The following SNED1 variants were observed in gnomAD, a reference collection of about 807,000 sequenced individuals.
The protein encoded by SNED1 is sushi, nidogen and EGF-like domain-containing protein 1.
In SNED1, 81 loss-of-function variants were observed where a neutral mutation model predicts 166.7. That is an observed-to-expected ratio of 0.49 (90% CI 0.41 to 0.58). SNED1 has a LOEUF of 0.58. Among genes scored for constraint, SNED1 ranks in the 20% least tolerant of loss-of-function variants. SNED1 has a pLI of 0.00. For missense variants in SNED1, 1,604 were observed against 2,000.2 expected (o/e 0.80, Z 3.78); for synonymous variants, 762 against 822.0 (o/e 0.93, Z 1.25).
At chr2:241,076,562 GATTA>G (rs1367352629) in intron 27 of SNED1, among the ~76,000 whole-genome samples, 1 of 152,096 alleles carries the variant, frequency 6.6e-6, no homozygotes, top group Non-Finnish European at 1.5e-5. Context: ...TCCTTTTAAA[GATTA>G]ATTGTTTGCC....
At chr2:241,026,908 C>A (rs1339309836) in intron 1 of SNED1, among the ~76,000 whole-genome samples, 1 of 152,136 alleles carries the variant, frequency 6.6e-6, no homozygotes, top group Non-Finnish European at 1.5e-5. Flanking sequence ...TCCCTATTCC[C>A]CTCTTCCTTC....
chr2:241,056,385 G>C (rs979339165), intron 16 of SNED1, among the ~76,000 whole-genome samples: 1 of 151,960 alleles, frequency 6.6e-6, no homozygotes, highest in Non-Finnish European at 1.5e-5. Flanking sequence ...CAAGCTGCTG[G>C]GATTACAGGC....
intron 16 of SNED1, among the ~76,000 whole-genome samples, chr2:241,053,782 C>T (rs932749736): frequency 6.6e-6 from 1 of 152,184 alleles, no homozygotes; most frequent in Admixed American, 6.5e-5. Flanking sequence ...ACTGAGGTCC[C>T]ACCCCTGTCT....
chr2:241,084,897 T>C (rs1288662106), intron 29 of SNED1, among the ~76,000 whole-genome samples: 1 of 152,204 alleles, frequency 6.6e-6, no homozygotes, highest in Non-Finnish European at 1.5e-5. Context: ...GAATATAGAC[T>C]TCTTGATTGA....
intron 26 of SNED1, chr2:241,072,256 C>T (rs1304934317): frequency 3.1e-5 from 15 of 480,118 alleles, no homozygotes; most frequent in Admixed American, 2.3e-4. Context: ...GGGTCTAACC[C>T]GCCACTCCGA....
intron 29 of SNED1, among the ~76,000 whole-genome samples, chr2:241,085,692 G>A (rs1374729923): frequency 6.6e-6 from 1 of 150,936 alleles, no homozygotes; most frequent in East Asian, 1.9e-4. Context: ...TGTTACTGAC[G>A]CTGGATTTGT....
At position 241,073,710 on chromosome 2, in the gene SNED1, C is replaced by A; in HGVS notation, c.3916+346C>A. ...AGCCCCTGCCTCTGGGCCCCTCACC[C>A]CTCACTTCTCCAAAGAGGAGCAGGC... On this transcript the variant is annotated intron_variant, in intron 27 of 31. Coordinates refer to ENST00000310397, the MANE Select transcript of SNED1 (RefSeq NM_001080437.3). This position sits in a 1 kb window ranked among gnomAD's most constrained non-coding sequence, Gnocchi z 6.6. 1 of 444,750 alleles carries A rather than the reference C, an allele frequency of 2.2e-6. No individual in the cohort carries two copies. Among genetic ancestry groups the A allele is most frequent in the Non-Finnish European group, 4.0e-6 (1 of 250,816 alleles). The allele number at this position is 444,750 out of a possible 1,614,324, so 27.6% of individuals were successfully genotyped here.
intron 8 of SNED1, among the ~76,000 whole-genome samples, chr2:241,041,676 G>A (rs1298829750): frequency 2.0e-5 from 3 of 152,038 alleles, no homozygotes; most frequent in Admixed American, 1.3e-4. Flanking sequence ...CAGAATGAGT[G>A]AGACTCTGTC....
At chr2:241,035,030 G>A (rs374326910) in intron 4 of SNED1, among the ~76,000 whole-genome samples, 2 of 152,136 alleles carry the variant, frequency 1.3e-5, no homozygotes, top group African/African-American at 4.8e-5. Context: ...GAACCCTCTG[G>A]AGACTGCGGG....
rs2061750986 is a variant in SNED1 at position 241,049,142 on chromosome 2, A to C, written c.1618+7A>C. The C allele has an allele frequency of 6.2e-7, 1 of 1,606,308 alleles. No individual in the cohort carries two copies. The highest frequency in any genetic ancestry group is 1.3e-5 in the African/African-American group (1 of 74,806). Reference sequence around the variant, plus strand: ...GACCACAATGCCAGCCACTGTGAGTAGCTCGGGGACGAGCCTGCTGGGCCG... The same window carrying C: ...GACCACAATGCCAGCCACTGTGAGTCGCTCGGGGACGAGCCTGCTGGGCCG... On this transcript the variant is annotated splice_region_variant and intron_variant, in intron 11 of 31. Transcript: ENST00000310397.
chr2:241,048,525 G>A (rs903906306), intron 9 of SNED1, 85 bp downstream of exon 9: 8 of 1,507,808 alleles, frequency 5.3e-6, no homozygotes, highest in Admixed American at 2.1e-5. Flanking sequence ...TGCAGGAAAC[G>A]CCCCGAAAAG....
At position 241,013,551 on chromosome 2, in the gene SNED1, G is replaced by C. The variant is rs1047254152; in HGVS notation, c.213+14501G>C. Among the ~76,000 whole-genome samples, 4 of 151,672 alleles carry C rather than the reference G, an allele frequency of 2.6e-5. No homozygotes were observed. Among genetic ancestry groups the C allele is most frequent in the Non-Finnish European group, 5.9e-5 (4 of 67,944 alleles). ...GACAGGGTCTTGCTATGTTGTCCAG[G>C]CTGGTCTTGAACTCCTGGCCTCAAG... On this transcript the variant is annotated intron_variant, in intron 1 of 31. Transcript: ENST00000310397. This position sits in a 1 kb window ranked among gnomAD's most constrained non-coding sequence, Gnocchi z 4.6.
In SNED1 at chr2:241,064,388, G is replaced by A. The variant is rs1193811720; in HGVS notation, c.2599+263G>A. Among the ~76,000 whole-genome samples, 1 of 152,114 alleles carries A rather than the reference G, an allele frequency of 6.6e-6. No homozygotes were observed. Among genetic ancestry groups the A allele is most frequent in the Non-Finnish European group, 1.5e-5 (1 of 68,018 alleles). On this transcript the variant is annotated intron_variant, in intron 19 of 31. Transcript: ENST00000310397. This position sits in a 1 kb window ranked among gnomAD's most constrained non-coding sequence, Gnocchi z 7.0. Reference sequence around the variant, plus strand: ...CTCTTCACCCGAGGACACACCCAGGGGTGGGGCCTCACGTCCACACATAGG... The same window carrying A: ...CTCTTCACCCGAGGACACACCCAGGAGTGGGGCCTCACGTCCACACATAGG...
chr2:241,076,634 G>C (rs1210007860), intron 27 of SNED1, among the ~76,000 whole-genome samples: 2 of 152,192 alleles, frequency 1.3e-5, no homozygotes. Flanking sequence ...GGCCTAGGCA[G>C]GTGAATCACT....
At chr2:241,048,251 G>A in intron 8 of SNED1, 64 bp from the exon 9 acceptor site, 1 of 1,500,632 alleles carries the variant, frequency 6.7e-7, no homozygotes, top group Admixed American at 2.3e-5. Flanking sequence ...ATTGGAGCTG[G>A]GCGGGGAGAC....
chr2:241,095,192 G>A lies in SNED1; in HGVS notation c.*3556G>A, dbSNP rs1410313657. On this transcript the variant is annotated 3_prime_UTR_variant, in exon 32 of 32. Coordinates refer to ENST00000310397, the MANE Select transcript of SNED1 (RefSeq NM_001080437.3). ...GAAGCTGTCTGTAACCAGGGCAGGGGAGATAACTGTATGGGACCATTCCCT... is the reference window on the plus strand; with the variant it reads ...GAAGCTGTCTGTAACCAGGGCAGGGAAGATAACTGTATGGGACCATTCCCT... 2.6e-5 allele frequency: 4 copies of A among 152,588 alleles called. No homozygotes were observed. Among genetic ancestry groups the A allele is most frequent in the South Asian group, 2.1e-4 (1 of 4,814 alleles). The allele number at this position is 152,588 out of a possible 1,614,324, so 9.5% of individuals were successfully genotyped here.
chr2:241,006,797 C>T (rs2060233066), intron 1 of SNED1, among the ~76,000 whole-genome samples: 1 of 152,168 alleles, frequency 6.6e-6, no homozygotes, highest in African/African-American at 2.4e-5. Flanking sequence ...AAACACTAGT[C>T]TCCACTAAAA....
chr2:241,071,483 G>A lies in SNED1; in HGVS notation c.3590-93G>A, dbSNP rs1181169669. 13 of 1,433,626 alleles carry A rather than the reference G, an allele frequency of 9.1e-6. No individual in the cohort carries two copies. In the African/African-American group the frequency reaches 1.5e-4, roughly 17 times the overall value. 88.8% of individuals were successfully genotyped at this position (1,433,626 alleles called of 1,614,324 possible). Reference sequence around the variant, plus strand: ...GCCCCCCTTCCCTTCTCCAAGCACGGCTGAGTGTGAGGGGCACCACCCATG... The same window carrying A: ...GCCCCCCTTCCCTTCTCCAAGCACGACTGAGTGTGAGGGGCACCACCCATG... On this transcript the variant is annotated intron_variant, in intron 24 of 31. Transcript: ENST00000310397.
rs780048810 is a variant in SNED1 at position 241,067,795 on chromosome 2, C to T, written c.3042C>T (p.Thr1014=). The change falls in exon 22 of 32, where the codon ACC becomes ACT. Residue 1014 remains threonine (T), a synonymous_variant. Coordinates refer to ENST00000310397, the MANE Select transcript of SNED1 (RefSeq NM_001080437.3). ...RPRPVEGFEV[T]NVTASTISVQ... ...GCCCTGTGGAAGGCTTCGAGGTCACCAATGTGACGGCTAGCACCATCTCAG... is the reference window on the plus strand; with the variant it reads ...GCCCTGTGGAAGGCTTCGAGGTCACTAATGTGACGGCTAGCACCATCTCAG... 3 of 1,612,078 alleles carry T rather than the reference C, an allele frequency of 1.9e-6. No individual in the cohort carries two copies. The South Asian group carries it at 3.3e-5, about 18-fold the overall frequency.
Sources: gnomAD v4.1 joint callset for allele counts (sites outside exome capture counted in the v4.1 genomes callset) on GRCh38, gnomAD v4.1.1 for gene constraint, Gnocchi (gnomAD v3.1) non-coding constraint, MANE v1.5 for transcripts, NCBI Gene and HGNC (gene_info 2026-07-23, HGNC 2026-07-21) for gene names.